The following PFKL variants were observed in gnomAD, a reference collection of about 807,000 sequenced individuals.
PFKL encodes the protein ATP-dependent 6-phosphofructokinase, liver type.
Under a neutral mutation model 92.1 loss-of-function variants are expected in PFKL, and 74 were observed. That is an observed-to-expected ratio of 0.80 (90% CI 0.67 to 0.97). The LOEUF (loss-of-function observed/expected upper bound fraction) is 0.97, where lower values mean the gene tolerates loss of function less well. Among genes scored for constraint, PFKL ranks in the 50% least tolerant of loss-of-function variants. The pLI, the probability that PFKL is intolerant of heterozygous loss-of-function variation, is 0.00. For synonymous variants in PFKL, 494 were observed against 456.4 expected, an observed-to-expected ratio of 1.08 and a Z score of -1.05; for missense variants, 1,028 against 1,116.6, an observed-to-expected ratio of 0.92 and a Z score of 1.13.
At chr21:44,326,474 C>T (rs2047513796) in intron 21 of PFKL, among the ~76,000 whole-genome samples, 1 of 152,198 alleles carries the variant, frequency 6.6e-6, no homozygotes, top group Admixed American at 6.5e-5. Flanking sequence ...TTCGGGTGGG[C>T]ATGGGGGCAC....
chr21:44,326,135 G>C, intron 20 of PFKL, 24 bp from the exon 21 acceptor site: 1 of 1,608,286 alleles, frequency 6.2e-7, no homozygotes, highest in South Asian at 1.1e-5. Context: ...ACCATGGAGG[G>C]CTGCCACGTG....
In PFKL at chr21:44,312,999, C is replaced by A. The variant is rs745691661; in HGVS notation, c.449C>A (p.Ala150Asp). Residue 150 changes from alanine (A) to aspartate (D), a missense_variant, in exon 5 of 22, where the codon GCC (alanine) becomes GAC (aspartate). Coordinates refer to ENST00000349048, the MANE Select transcript of PFKL (RefSeq NM_002626.6). ...CCAGGTAAGATCTCAGAGACTACAG[C>A]CCGGACCTACTCGCACCTGAACATC... ...VAEGKISETTARTYSHLNIAG... is the reference protein window; with the variant it reads ...VAEGKISETTDRTYSHLNIAG... 1 of 1,612,942 alleles carries A rather than the reference C, an allele frequency of 6.2e-7. No homozygotes were observed.
At chr21:44,306,640 T>C (rs1205209562) in intron 1 of PFKL, 41 bp from the exon 2 acceptor site, 1 of 1,589,610 alleles carries the variant, frequency 6.3e-7, no homozygotes, top group Admixed American at 1.7e-5. Flanking sequence ...AGGGCCTTGC[T>C]TCTCAGCGTG....
chr21:44,305,652 CCT>C, intron 1 of PFKL: 1 of 870,810 alleles, frequency 1.1e-6, no homozygotes, highest in Non-Finnish European at 1.6e-6. Flanking sequence ...TGGGTTTCCT[CCT>C]CTCTGAAGAT....
Position 44,326,749 on chromosome 21 carries a change from C to T in PFKL, c.2230C>T (p.Leu744=). The change falls in exon 22 of 22, where the codon CTG becomes TTG. Residue 744 remains leucine, a synonymous_variant. Coordinates refer to ENST00000349048, the MANE Select transcript of PFKL (RefSeq NM_002626.6). ...RMPREQWWLS[L]RLMLKMLAQY... ...GCCACGGGAGCAGTGGTGGCTGAGC[C>T]TGCGGCTCATGCTGAAGATGCTGGC... 6.2e-7 allele frequency: 1 copy of T among 1,611,528 alleles called. No individual in the cohort carries two copies. Among genetic ancestry groups the T allele is most frequent in the Non-Finnish European group, 8.5e-7 (1 of 1,179,466 alleles).
intron 3 of PFKL, 28 bp from the exon 4 acceptor site, chr21:44,312,077 C>T (rs1236038175): frequency 7.0e-7 from 1 of 1,418,936 alleles, no homozygotes; most frequent in African/African-American, 1.5e-5. Flanking sequence ...TGCCATCTCT[C>T]CTGAAGTTTC....
Position 44,313,008 on chromosome 21 carries a change from A to C in PFKL, c.458A>C (p.Tyr153Ser), listed in dbSNP as rs148690539. 2 of 1,612,932 alleles carry C rather than the reference A, an allele frequency of 1.2e-6. No homozygotes were observed. Among genetic ancestry groups the C allele is most frequent in the Non-Finnish European group, 1.7e-6 (2 of 1,179,900 alleles). ...GKISETTART[Y>S]SHLNIAGLVG... The stretch of plus-strand genomic sequence containing the variant: ...ATCTCAGAGACTACAGCCCGGACCT[A>C]CTCGCACCTGAACATCGCGGGCCTA... Residue 153 changes from tyrosine (Y) to serine (S), a missense_variant, in exon 5 of 22, where the codon TAC (tyrosine) becomes TCC (serine). Transcript: ENST00000349048.
chr21:44,322,423 G>A (rs557299633), intron 14 of PFKL, among the ~76,000 whole-genome samples: 6 of 152,232 alleles, frequency 3.9e-5, no homozygotes, highest in African/African-American at 4.8e-5. Flanking sequence ...CCATGCCCAT[G>A]GTGGGCTCTC....
chr21:44,318,115 C>T lies in PFKL; in HGVS notation c.937-355C>T, dbSNP rs537263614. On this transcript the variant is annotated intron_variant, in intron 9 of 21. Coordinates refer to ENST00000349048, the MANE Select transcript of PFKL (RefSeq NM_002626.6). ...CAGGGAAGTCACGACATGAGGGCCT[C>T]CACGGGAGGATCCATCGCAGCGGAT... Among the ~76,000 whole-genome samples, 159 of 152,384 alleles carry T rather than the reference C, an allele frequency of 1.0e-3. 1 individual carries two copies. Among genetic ancestry groups the T allele is most frequent in the Admixed American group, 7.2e-4 (11 of 15,304 alleles).
intron 19 of PFKL, chr21:44,325,729 CA>C (rs1228554137): frequency 1.4e-4 from 77 of 562,152 alleles, no homozygotes; most frequent in Non-Finnish European, 2.1e-4. Flanking sequence ...TTGACTTGGC[CA>C]GGGGCAGCCG....
At chr21:44,325,025 G>A in intron 18 of PFKL, 108 bp downstream of exon 18, 1 of 1,252,478 alleles carries the variant, frequency 8.0e-7, no homozygotes, top group Non-Finnish European at 1.1e-6. Flanking sequence ...GGTCCTTGGA[G>A]AGGGTGGGCC....
intron 4 of PFKL, 106 bp downstream of exon 4, chr21:44,312,400 G>A (rs1286403775): frequency 1.5e-5 from 16 of 1,040,348 alleles, no homozygotes; most frequent in East Asian, 3.0e-5. Context: ...TGGGTGCCCC[G>A]AGGCAGAGGA....
intron 8 of PFKL, 36 bp from the exon 9 acceptor site, chr21:44,316,396 T>G (rs1602030332): frequency 6.2e-7 from 1 of 1,611,888 alleles, no homozygotes. Flanking sequence ...CCGTGTGGGC[T>G]GGGGCTCAGG....
chr21:44,325,376 C>T, intron 19 of PFKL, 112 bp downstream of exon 19: 1 of 708,736 alleles, frequency 1.4e-6, no homozygotes, highest in Non-Finnish European at 2.5e-6. Context: ...TCCCGGCAGG[C>T]CCTCGGGCAC....
chr21:44,319,015 A>G (rs1460730221), intron 10 of PFKL, among the ~76,000 whole-genome samples: 1 of 151,738 alleles, frequency 6.6e-6, no homozygotes, highest in Admixed American at 6.6e-5. Context: ...AGGTACGGGG[A>G]AGGCAGAGGC....
intron 9 of PFKL, among the ~76,000 whole-genome samples, 161 bp downstream of exon 9, chr21:44,316,685 G>A (rs1034030662): frequency 4.6e-5 from 7 of 151,728 alleles, no homozygotes; most frequent in African/African-American, 9.7e-5. Context: ...TGGGGGACGC[G>A]TGGTCCTTGT....
intron 3 of PFKL, 104 bp from the exon 4 acceptor site, chr21:44,312,001 G>C: frequency 2.1e-6 from 2 of 942,018 alleles, no homozygotes. Flanking sequence ...ACTCTGCAGG[G>C]TCTGCCAGCC....
In PFKL at chr21:44,306,661, G is replaced by GT. The variant is rs1307648937; in HGVS notation, c.86-17dup. 1 of 1,610,884 alleles carries GT rather than the reference G, an allele frequency of 6.2e-7. No homozygotes were observed. Among genetic ancestry groups the GT allele is most frequent in the Non-Finnish European group, 8.5e-7 (1 of 1,178,490 alleles). ...TTGCTTCTCAGCGTGGGACTGACAG[G>GT]TTTGCCCTGACCTCCACAGGCATGA... On this transcript the variant is annotated intron_variant, in intron 1 of 21. Coordinates refer to ENST00000349048, the MANE Select transcript of PFKL (RefSeq NM_002626.6).
At chr21:44,311,293 C>T (rs531075452) in intron 3 of PFKL, among the ~76,000 whole-genome samples, 32 of 151,598 alleles carry the variant, frequency 2.1e-4, no homozygotes, top group Non-Finnish European at 3.7e-4. Context: ...GACACACAGG[C>T]GCGCACAGAC....
Sources: gnomAD v4.1 joint callset for allele counts (sites outside exome capture counted in the v4.1 genomes callset) on GRCh38, gnomAD v4.1.1 for gene constraint, MANE v1.5 for transcripts, NCBI Gene and HGNC (gene_info 2026-07-23, HGNC 2026-07-21) for gene names.